The following EEFSEC variants were observed in gnomAD, a reference collection of about 807,000 sequenced individuals.
The protein encoded by EEFSEC is eukaryotic elongation factor, selenocysteine-tRNA specific, also known as selenocysteine-specific elongation factor.
In EEFSEC, 43 loss-of-function variants were observed where a neutral mutation model predicts 42.1. The ratio of observed to expected loss-of-function variants is 1.02; its 90% CI spans 0.80 to 1.32. The LOEUF is 1.32. EEFSEC is among the 40% of genes most tolerant of loss of function. The pLI is 0.00. For synonymous variants in EEFSEC, 354 were observed against 339.1 expected (o/e 1.04, Z -0.48); for missense variants, 745 against 803.6 (o/e 0.93, Z 0.88).
chr3:128,371,613 G>T (rs987014074), intron 6 of EEFSEC, among the ~76,000 whole-genome samples: 7 of 152,194 alleles, frequency 4.6e-5, no homozygotes, highest in African/African-American at 1.7e-4. Flanking sequence ...GGCAAGCCAA[G>T]GCCTGAGGCT....
intron 6 of EEFSEC, among the ~76,000 whole-genome samples, chr3:128,377,486 T>C (rs1266331751): frequency 6.6e-6 from 1 of 152,202 alleles, no homozygotes; most frequent in Non-Finnish European, 1.5e-5. Flanking sequence ...AAGATATAAA[T>C]GTCCAGTAAA....
At chr3:128,181,652 T>A (rs571588826) in intron 1 of EEFSEC, among the ~76,000 whole-genome samples, 80 of 152,340 alleles carry the variant, frequency 5.3e-4, no homozygotes, top group Non-Finnish European at 9.7e-4. Context: ...CTGATCCTTA[T>A]GCACAGCCCA....
chr3:128,209,759 AT>A (rs2065736929), intron 1 of EEFSEC, among the ~76,000 whole-genome samples: 1 of 152,256 alleles, frequency 6.6e-6, no homozygotes, highest in African/African-American at 2.4e-5. Flanking sequence ...GCTACAAACT[AT>A]GAACTTGAGC....
intron 4 of EEFSEC, among the ~76,000 whole-genome samples, chr3:128,297,152 C>T (rs1300523133): frequency 1.3e-5 from 2 of 152,066 alleles, no homozygotes; most frequent in Non-Finnish European, 2.9e-5. Context: ...GGGGTGCCAA[C>T]TTGGGCCTGA....
chr3:128,221,244 G>A (rs1186947740), intron 1 of EEFSEC, among the ~76,000 whole-genome samples: 1 of 152,218 alleles, frequency 6.6e-6, no homozygotes, highest in African/African-American at 2.4e-5. Flanking sequence ...AGGTGGAGAA[G>A]CAAGAAAGGA....
intron 6 of EEFSEC, among the ~76,000 whole-genome samples, chr3:128,393,219 A>G (rs2067937702): frequency 6.6e-6 from 1 of 152,014 alleles, no homozygotes. Flanking sequence ...GACCCATTTC[A>G]CAGACAAGGA....
At chr3:128,276,928 C>G (rs923404306) in intron 4 of EEFSEC, among the ~76,000 whole-genome samples, 7 of 152,226 alleles carry the variant, frequency 4.6e-5, no homozygotes, top group African/African-American at 1.7e-4. Context: ...GTGGGACAGG[C>G]AGGAGGTCAG....
chr3:128,280,017 A>G (rs1230193114), intron 4 of EEFSEC, among the ~76,000 whole-genome samples: 1 of 152,256 alleles, frequency 6.6e-6, no homozygotes, highest in Non-Finnish European at 1.5e-5. Flanking sequence ...CATTAGAATC[A>G]TCAGATCCGC....
intron 2 of EEFSEC, among the ~76,000 whole-genome samples, chr3:128,255,343 C>G (rs901132787): frequency 6.6e-6 from 1 of 152,194 alleles, no homozygotes; most frequent in Non-Finnish European, 1.5e-5. Context: ...CACTGCTGGA[C>G]AGTCACCTGG....
intron 1 of EEFSEC, among the ~76,000 whole-genome samples, chr3:128,197,920 C>T (rs1260730286): frequency 1.3e-5 from 2 of 152,160 alleles, no homozygotes; most frequent in African/African-American, 4.8e-5. Flanking sequence ...CATTCAGACC[C>T]GACTCGTGTT....
rs184495633 is a variant in EEFSEC at position 128,201,859 on chromosome 3, A to C, written c.317-44977A>C. ...GCGTTTGCATTTAGTCCTGTAATCTATCTTGAATTAGTTTTTGTATGTGGT... is the reference window on the plus strand; with the variant it reads ...GCGTTTGCATTTAGTCCTGTAATCTCTCTTGAATTAGTTTTTGTATGTGGT... On this transcript the variant is annotated intron_variant, in intron 1 of 6. Transcript: ENST00000254730. Among the ~76,000 whole-genome samples, 1,061 of 152,334 alleles carry C rather than the reference A, an allele frequency of 7.0e-3. 4 individuals are homozygous for C. Among genetic ancestry groups the C allele is most frequent in the Non-Finnish European group, 0.012 (800 of 68,026 alleles).
intron 4 of EEFSEC, among the ~76,000 whole-genome samples, chr3:128,337,450 GGA>G (rs1040221550): frequency 6.6e-6 from 1 of 152,178 alleles, no homozygotes; most frequent in African/African-American, 2.4e-5. Flanking sequence ...AGGAGGAGGG[GGA>G]AGGGGCATCA....
At chr3:128,252,834 G>A (rs1377739518) in intron 2 of EEFSEC, among the ~76,000 whole-genome samples, 1 of 152,204 alleles carries the variant, frequency 6.6e-6, no homozygotes, top group Non-Finnish European at 1.5e-5. Flanking sequence ...AGCTGCCAGG[G>A]AAGTCTGGAG....
At chr3:128,380,306 T>G (rs1417119730) in intron 6 of EEFSEC, among the ~76,000 whole-genome samples, 1 of 152,254 alleles carries the variant, frequency 6.6e-6, no homozygotes, top group African/African-American at 2.4e-5. Context: ...TTTGATTTTC[T>G]AAAAGTAAAA....
chr3:128,310,332 G>A (rs568944558), intron 4 of EEFSEC, among the ~76,000 whole-genome samples: 4 of 152,136 alleles, frequency 2.6e-5, no homozygotes, highest in East Asian at 1.9e-4. Flanking sequence ...AACCATCTCC[G>A]CATCTTTCAG....
chr3:128,216,594 G>A (rs959025916), intron 1 of EEFSEC, among the ~76,000 whole-genome samples: 5 of 152,180 alleles, frequency 3.3e-5, no homozygotes, highest in East Asian at 1.9e-4. Context: ...GCCCACTCAC[G>A]CCTGTACTGT....
intron 1 of EEFSEC, among the ~76,000 whole-genome samples, chr3:128,179,914 C>T (rs2065387818): frequency 6.6e-6 from 1 of 152,034 alleles, no homozygotes; most frequent in Non-Finnish European, 1.5e-5. Flanking sequence ...TTCCAAGATC[C>T]ATACTTTTTT....
rs374642958 is a variant in EEFSEC, at chr3:128,217,342, A to G, written c.317-29494A>G. ...TGGGGCTGCCATAAAGCCCTGGTTC[A>G]GTGTCACCCAAGGGTCCACCATGTG... On this transcript the variant is annotated intron_variant, in intron 1 of 6. Transcript: ENST00000254730. Among the ~76,000 whole-genome samples the G allele has an allele frequency of 6.6e-3, 1,002 of 152,264 alleles. 3 individuals are homozygous for G. Among genetic ancestry groups the G allele is most frequent in the South Asian group, 0.011 (52 of 4,826 alleles).
At chr3:128,327,296 C>A (rs927529831) in intron 4 of EEFSEC, among the ~76,000 whole-genome samples, 1 of 149,688 alleles carries the variant, frequency 6.7e-6, no homozygotes, top group African/African-American at 2.5e-5. Flanking sequence ...TCCCATCCCC[C>A]CCCCCCCAAG....
Sources: allele counts gnomAD v4.1 joint callset (sites outside exome capture counted in the v4.1 genomes callset), GRCh38; gene constraint gnomAD v4.1.1; transcripts MANE v1.5; gene names NCBI Gene and HGNC (gene_info 2026-07-23, HGNC 2026-07-21).